The following NF1 variants were observed in gnomAD, a reference collection of about 807,000 sequenced individuals.
NF1 encodes neurofibromin.
A neutral mutation model predicts 325.7 loss-of-function variants in NF1; 122 were observed. The ratio of observed to expected loss-of-function variants is 0.37; its 90% CI spans 0.32 to 0.44. NF1 has a LOEUF of 0.44. Among genes scored for constraint, NF1 ranks in the 20% least tolerant of loss-of-function variants. The pLI is 1.00. For synonymous variants in NF1, 1,091 were observed against 1,186.0 expected (o/e 0.92, Z 1.65); for missense variants, 2,140 against 3,415.4 (o/e 0.63, Z 9.31).
intron 1 of NF1, among the ~76,000 whole-genome samples, chr17:31,100,652 G>T (rs911230119): frequency 3.3e-5 from 5 of 151,908 alleles, no homozygotes; most frequent in African/African-American, 1.2e-4. Context: ...TCACTGCAAC[G>T]TCTGCCTCCT....
At chr17:31,239,773 C>A (rs1350294802) in intron 29 of NF1, among the ~76,000 whole-genome samples, 2 of 151,744 alleles carry the variant, frequency 1.3e-5, no homozygotes, top group African/African-American at 2.4e-5. Context: ...TTTCTTTTTT[C>A]TTTTTTGAGA....
chr17:31,283,742 C>A (rs991204866), intron 36 of NF1, among the ~76,000 whole-genome samples: 1 of 152,144 alleles, frequency 6.6e-6, no homozygotes. Context: ...TCCACCTTGG[C>A]GTCCCAAAGT....
chr17:31,150,278 A>G (rs1420833807), intron 1 of NF1, among the ~76,000 whole-genome samples: 2 of 152,146 alleles, frequency 1.3e-5, no homozygotes, highest in Non-Finnish European at 2.9e-5. Flanking sequence ...TCAATTAGGG[A>G]TAGACAGCCT....
intron 57 of NF1, among the ~76,000 whole-genome samples, chr17:31,363,466 C>T (rs1336178804): frequency 7.7e-6 from 1 of 130,402 alleles, no homozygotes; most frequent in African/African-American, 2.9e-5. Context: ...GAGACAGAGT[C>T]TCGCTCTGTC....
chr17:31,129,405 T>C (rs965823739), intron 1 of NF1, among the ~76,000 whole-genome samples: 1 of 152,156 alleles, frequency 6.6e-6, no homozygotes, highest in African/African-American at 2.4e-5. Context: ...TGAGATTCTT[T>C]TCTCAGCTTG....
chr17:31,206,192 C>T (rs1352040130), intron 11 of NF1, 48 bp from the exon 12 acceptor site: 1 of 1,607,674 alleles, frequency 6.2e-7, no homozygotes, highest in African/African-American at 1.3e-5. Context: ...GCATACAACT[C>T]ACGTAATTTT....
Position 31,172,785 on chromosome 17 carries a change from G to A in NF1, c.586+2788G>A, listed in dbSNP as rs544544608. ...AGTGGCCCTGGGAAGTGATAGAAAG[G>A]CTTTGAGGTAGAGAATACCTTAATC... On this transcript the variant is annotated intron_variant, in intron 5 of 57. Transcript: ENST00000358273. 1.3e-4 allele frequency among the ~76,000 whole-genome samples: 20 copies of A among 152,308 alleles called. No individual in the cohort carries two copies. In the South Asian group the frequency reaches 3.5e-3, roughly 27 times the overall value.
chr17:31,147,450 A>G (rs762660105), intron 1 of NF1, among the ~76,000 whole-genome samples: 1 of 152,236 alleles, frequency 6.6e-6, no homozygotes, highest in Non-Finnish European at 1.5e-5. Context: ...CATTTCTGCT[A>G]TTAACATTTG....
chr17:31,327,525 T>C lies in NF1; in HGVS notation c.5295T>C (p.Thr1765=), dbSNP rs1286956337. The change falls in exon 38 of 58, where the codon ACT becomes ACC. Residue 1765 remains threonine, a synonymous_variant. Coordinates refer to ENST00000358273, the MANE Select transcript of NF1 (RefSeq NM_001042492.3). ...IKVGSTAVQV[T]SAERTKVLGQ... ...TTGGTTCTACTGCTGTCCAAGTAACTTCAGCAGAGCGAACAAAAGTCCTAG... is the reference window on the plus strand; with the variant it reads ...TTGGTTCTACTGCTGTCCAAGTAACCTCAGCAGAGCGAACAAAAGTCCTAG... 6.2e-7 allele frequency: 1 copy of C among 1,613,940 alleles called. No individual in the cohort carries two copies. The highest frequency in any genetic ancestry group is 8.5e-7 in the Non-Finnish European group (1 of 1,180,006).
At chr17:31,331,509 A>G (rs1449934546) in intron 39 of NF1, 2 of 152,226 alleles carry the variant, frequency 1.3e-5, no homozygotes, top group Non-Finnish European at 2.9e-5. Flanking sequence ...ACTTAATAGT[A>G]CAGATGTCTG....
At chr17:31,326,856 A>G (rs987855846) in intron 37 of NF1, among the ~76,000 whole-genome samples, 3 of 152,142 alleles carry the variant, frequency 2.0e-5, no homozygotes, top group East Asian at 1.9e-4. Flanking sequence ...TGATTATTAC[A>G]TGCTTTTTTC....
intron 14 of NF1, among the ~76,000 whole-genome samples, chr17:31,220,804 A>G (rs2066908412): frequency 1.3e-5 from 2 of 152,316 alleles, no homozygotes; most frequent in South Asian, 4.1e-4. Flanking sequence ...AAACAAAAAT[A>G]TAGAGAATTT....
At chr17:31,354,907 G>A (rs1186161374) in intron 51 of NF1, among the ~76,000 whole-genome samples, 1 of 152,178 alleles carries the variant, frequency 6.6e-6, no homozygotes, top group East Asian at 1.9e-4. Flanking sequence ...TGGGGAAGGG[G>A]AGAAGACTGT....
At chr17:31,362,987 G>T (rs2070431996) in intron 57 of NF1, among the ~76,000 whole-genome samples, 2 of 152,136 alleles carry the variant, frequency 1.3e-5, no homozygotes. Flanking sequence ...ATCAGAATAG[G>T]TTTTATGGCT....
At chr17:31,252,676 T>A in intron 30 of NF1, 2 of 426,822 alleles carry the variant, frequency 4.7e-6, no homozygotes, top group Non-Finnish European at 8.4e-6. Flanking sequence ...TTGGAGAGAG[T>A]TTTTCTGTGA....
chr17:31,311,356 T>G (rs977626943), intron 36 of NF1, among the ~76,000 whole-genome samples: 1 of 152,186 alleles, frequency 6.6e-6, no homozygotes, highest in African/African-American at 2.4e-5. Context: ...CATTATCTTT[T>G]AAAGAGAATC....
At chr17:31,143,804 TTTTTCTTTTC>T (rs928762577) in intron 1 of NF1, among the ~76,000 whole-genome samples, 1 of 151,890 alleles carries the variant, frequency 6.6e-6, no homozygotes, top group African/African-American at 2.4e-5. Flanking sequence ...CTTGTTCTTG[TTTTTCTTTTC>T]TTTTCTTTTT....
At chr17:31,148,026 C>T (rs1916696467) in intron 1 of NF1, among the ~76,000 whole-genome samples, 1 of 152,156 alleles carries the variant, frequency 6.6e-6, no homozygotes, top group African/African-American at 2.4e-5. Flanking sequence ...GGAAAAGCAG[C>T]TGCAGAAGAT....
chr17:31,371,024 A>C (rs905812089), intron 57 of NF1, among the ~76,000 whole-genome samples: 1 of 152,174 alleles, frequency 6.6e-6, no homozygotes, highest in African/African-American at 2.4e-5. Context: ...AGGGAAAAAA[A>C]AAAGTTCTAT....
Sources: allele counts gnomAD v4.1 joint callset (sites outside exome capture counted in the v4.1 genomes callset), GRCh38; gene constraint gnomAD v4.1.1; transcripts MANE v1.5; gene names NCBI Gene and HGNC (gene_info 2026-07-23, HGNC 2026-07-21).